The following TMEM117 variants were observed in gnomAD, a reference collection of about 807,000 sequenced individuals.
The protein encoded by TMEM117 is transmembrane protein 117.
Under a neutral mutation model 52.4 loss-of-function variants are expected in TMEM117, and 27 were observed. That is an observed-to-expected ratio of 0.51 (90% CI 0.38 to 0.71). The LOEUF is 0.71. Ranked by LOEUF, TMEM117 falls within the 30% of genes least tolerant of loss-of-function variation. The pLI is 0.00. For missense variants in TMEM117, 556 were observed against 630.5 expected (o/e 0.88, Z 1.26); for synonymous variants, 215 against 206.3 (o/e 1.04, Z -0.36).
intron 3 of TMEM117, among the ~76,000 whole-genome samples, chr12:43,979,308 T>C (rs759248314): frequency 6.6e-6 from 1 of 152,116 alleles, no homozygotes; most frequent in African/African-American, 2.4e-5. Context: ...CAGAGGCATA[T>C]AAACTTAAAA....
the TMEM117 span, chr12:43,798,620 G>A: frequency 2.9e-5 from 41 of 1,426,570 alleles, no homozygotes; most frequent in Middle Eastern, 1.8e-4. Flanking sequence ...TATCAAACTC[G>A]TAAAAAAAAA....
chr12:43,860,170 C>G (rs1306304292), intron 2 of TMEM117, among the ~76,000 whole-genome samples: 2 of 152,136 alleles, frequency 1.3e-5, no homozygotes, highest in Non-Finnish European at 2.9e-5. Flanking sequence ...CTATCCCTCC[C>G]CTAGTCCCCC....
Position 44,388,132 on chromosome 12 carries a change from C to G in TMEM117, c.1005C>G (p.Gly335=), listed in dbSNP as rs183776630. 906 of 1,613,038 alleles carry G rather than the reference C, an allele frequency of 5.6e-4. 4 individuals carry two copies. Among genetic ancestry groups the G allele is most frequent in the Non-Finnish European group, 1.4e-4 (161 of 1,179,536 alleles). ...CTCATGAATATGGGCAATATATCGG[C>G]CCGGGGCAGAAGATATATACAGTGA... ...YKPHEYGQYI[G]PGQKIYTVKD... The change falls in exon 8 of 8, where the codon GGC becomes GGG. Residue 335 remains glycine, a synonymous_variant. Transcript: ENST00000266534.
chr12:44,363,063 A>C (rs1422888122), intron 6 of TMEM117, among the ~76,000 whole-genome samples: 1 of 152,098 alleles, frequency 6.6e-6, no homozygotes, highest in African/African-American at 2.4e-5. Context: ...AGACCAAGAC[A>C]GTAATGTAAG....
At chr12:44,176,139 T>G (rs1949113354) in intron 4 of TMEM117, among the ~76,000 whole-genome samples, 1 of 152,222 alleles carries the variant, frequency 6.6e-6, no homozygotes, top group Admixed American at 6.5e-5. Context: ...TCTCAAACAT[T>G]ATTACTAATA....
chr12:44,264,752 A>G (rs571651319), intron 5 of TMEM117, among the ~76,000 whole-genome samples: 48 of 152,336 alleles, frequency 3.2e-4, no homozygotes, highest in African/African-American at 5.1e-4. Flanking sequence ...TGGTTTGAAT[A>G]TATGAAAATC....
intron 5 of TMEM117, among the ~76,000 whole-genome samples, chr12:44,292,753 A>G (rs1205290736): frequency 6.6e-6 from 1 of 151,874 alleles, no homozygotes; most frequent in Non-Finnish European, 1.5e-5. Flanking sequence ...TAATTTTCAT[A>G]TGCTTGTGAA....
At chr12:44,144,928 C>T (rs148391882) in intron 4 of TMEM117, among the ~76,000 whole-genome samples, 17,082 of 152,090 alleles carry the variant, frequency 0.11, 1,163 homozygotes, top group East Asian at 0.24. Context: ...GAGGCCGAGG[C>T]GGGCGGATCA....
chr12:44,172,265 C>A (rs1207181269), intron 4 of TMEM117, among the ~76,000 whole-genome samples: 1 of 152,178 alleles, frequency 6.6e-6, no homozygotes, highest in Non-Finnish European at 1.5e-5. Flanking sequence ...TGTTCTCTCC[C>A]AGTTCTGAGG....
At chr12:44,301,205 G>A (rs1367388891) in intron 6 of TMEM117, among the ~76,000 whole-genome samples, 1 of 152,100 alleles carries the variant, frequency 6.6e-6, no homozygotes, top group East Asian at 1.9e-4. Flanking sequence ...GTTTGTGTAA[G>A]TTTTCAGTAT....
At chr12:44,177,668 T>C (rs1240897416) in intron 4 of TMEM117, among the ~76,000 whole-genome samples, 2 of 152,180 alleles carry the variant, frequency 1.3e-5, no homozygotes, top group African/African-American at 2.4e-5. Flanking sequence ...ACTTATAAAG[T>C]GGTTACTGAT....
chr12:43,946,807 A>G (rs928767598), intron 3 of TMEM117, among the ~76,000 whole-genome samples: 4 of 152,240 alleles, frequency 2.6e-5, no homozygotes, highest in African/African-American at 9.6e-5. Context: ...AGATATGCTT[A>G]GGAAATAAGA....
chr12:43,941,330 T>C (rs1945040710), intron 2 of TMEM117, among the ~76,000 whole-genome samples: 1 of 152,198 alleles, frequency 6.6e-6, no homozygotes, highest in Non-Finnish European at 1.5e-5. Context: ...TTCTGGGACC[T>C]ATAGACCTGT....
At chr12:44,035,200 G>A (rs1289361153) in intron 3 of TMEM117, among the ~76,000 whole-genome samples, 1 of 152,116 alleles carries the variant, frequency 6.6e-6, no homozygotes, top group Non-Finnish European at 1.5e-5. Flanking sequence ...TACTGGCTCT[G>A]TTTCTATTGA....
At chr12:44,178,000 T>C (rs1020333118) in intron 4 of TMEM117, among the ~76,000 whole-genome samples, 5 of 152,094 alleles carry the variant, frequency 3.3e-5, no homozygotes, top group Non-Finnish European at 7.4e-5. Context: ...CAAACTCTTA[T>C]ATAATTAAAG....
At chr12:44,137,619 G>C (rs1948510519) in intron 3 of TMEM117, among the ~76,000 whole-genome samples, 1 of 152,126 alleles carries the variant, frequency 6.6e-6, no homozygotes, top group Non-Finnish European at 1.5e-5. Flanking sequence ...AATCATGGTG[G>C]AAAGCAAGGA....
chr12:44,215,554 C>G (rs1949704403), intron 5 of TMEM117, among the ~76,000 whole-genome samples: 1 of 152,114 alleles, frequency 6.6e-6, no homozygotes, highest in South Asian at 2.1e-4. Context: ...GCGTTACCAA[C>G]AACCATTTTC....
rs554770520 is a variant in TMEM117 at position 44,173,629 on chromosome 12, G to A, written c.510+30005G>A. Among the ~76,000 whole-genome samples, 5 of 151,450 alleles carry A rather than the reference G, an allele frequency of 3.3e-5. No individual in the cohort carries two copies. In the South Asian group the frequency reaches 1.0e-3, roughly 32 times the overall value. ...CTAGAACCTTTCTTATTATCAGTAG[G>A]TTCTTAATATAGATAATATATTAAT... On this transcript the variant is annotated intron_variant, in intron 4 of 7. Transcript: ENST00000266534.
intron 5 of TMEM117, among the ~76,000 whole-genome samples, chr12:44,269,904 A>C (rs570263209): frequency 1.8e-4 from 27 of 152,224 alleles, no homozygotes; most frequent in African/African-American, 6.5e-4. Context: ...AAATCTTAAC[A>C]GTCTTATAAT....
Sources: gnomAD v4.1 joint callset for allele counts (sites outside exome capture counted in the v4.1 genomes callset) on GRCh38, gnomAD v4.1.1 for gene constraint, MANE v1.5 for transcripts, NCBI Gene and HGNC (gene_info 2026-07-23, HGNC 2026-07-21) for gene names.